Variants in XKR9 observed in about 807,000 individuals in gnomAD.
XKR9 encodes XK-related protein 9.
Under a neutral mutation model 32.0 loss-of-function variants are expected in XKR9, and 32 were observed. That is an observed-to-expected ratio of 1.00 (90% CI 0.76 to 1.34). XKR9 has a LOEUF of 1.34. Among genes scored for constraint, XKR9 ranks in the 40% most tolerant of loss-of-function variants. The probability of loss-of-function intolerance (pLI) is 0.00; values close to 1 mark genes in which losing one functional copy is unlikely to be tolerated. For missense variants in XKR9, 546 were observed against 429.7 expected (o/e 1.27, Z -2.39); for synonymous variants, 168 against 143.4 (o/e 1.17, Z -1.22).
chr8:71,007,414 C>G, the XKR9 span, among the ~76,000 whole-genome samples: 1 of 151,824 alleles, frequency 6.6e-6, no homozygotes, highest in Non-Finnish European at 1.5e-5. Flanking sequence ...ATTCATAAAC[C>G]TAGAATGAAA....
At chr8:70,853,494 C>T in the XKR9 span, among the ~76,000 whole-genome samples, 3 of 151,084 alleles carry the variant, frequency 2.0e-5, no homozygotes, top group South Asian at 6.3e-4. Context: ...CTACCATGTA[C>T]TCATAAAAAC....
At chr8:70,686,194 T>C (rs1432880362) in intron 3 of XKR9, among the ~76,000 whole-genome samples, 1 of 151,480 alleles carries the variant, frequency 6.6e-6, no homozygotes, top group Non-Finnish European at 1.5e-5. Context: ...TTTCTTTCTT[T>C]CCTCTCCTTT....
chr8:70,740,988 C>G (rs554273991), intron 2 of XKR9, among the ~76,000 whole-genome samples: 2 of 152,360 alleles, frequency 1.3e-5, no homozygotes, highest in South Asian at 4.1e-4. Context: ...AACCACTGCT[C>G]TCTTCAAAAG....
At chr8:70,675,563 G>T (rs1240284302) in intron 2 of XKR9, among the ~76,000 whole-genome samples, 1 of 152,078 alleles carries the variant, frequency 6.6e-6, no homozygotes, top group Non-Finnish European at 1.5e-5. Context: ...CCACATCTGG[G>T]CATAGGTTGT....
At chr8:70,913,292 G>A in the XKR9 span, among the ~76,000 whole-genome samples, 1 of 152,102 alleles carries the variant, frequency 6.6e-6, no homozygotes, top group Non-Finnish European at 1.5e-5. Flanking sequence ...TCTATTCTCA[G>A]AGAGTTAGAA....
the XKR9 span, among the ~76,000 whole-genome samples, chr8:70,949,632 G>A: frequency 1.3e-5 from 2 of 151,896 alleles, no homozygotes; most frequent in African/African-American, 4.8e-5. Context: ...TGATCGTGGG[G>A]GATGGGGGCT....
chr8:70,844,860 C>A, the XKR9 span, among the ~76,000 whole-genome samples: 2 of 152,204 alleles, frequency 1.3e-5, no homozygotes, highest in African/African-American at 4.8e-5. Context: ...GATGTCCCCC[C>A]ACTGCTGCTG....
chr8:70,786,729 G>A (rs1025241312), intron 2 of XKR9, among the ~76,000 whole-genome samples: 2 of 152,088 alleles, frequency 1.3e-5, no homozygotes, highest in Admixed American at 6.6e-5. Flanking sequence ...GTGACTTTGT[G>A]TCTTTTTATG....
chr8:70,930,076 G>A, the XKR9 span, among the ~76,000 whole-genome samples: 1 of 152,272 alleles, frequency 6.6e-6, no homozygotes, highest in East Asian at 1.9e-4. Context: ...ATATGAACTT[G>A]TAGTGGGTAG....
chr8:71,006,128 C>T, the XKR9 span, among the ~76,000 whole-genome samples: 1 of 152,178 alleles, frequency 6.6e-6, no homozygotes, highest in Non-Finnish European at 1.5e-5. Context: ...GAAGGCAGTA[C>T]TGAGTGAAAG....
chr8:70,904,834 G>A, the XKR9 span, among the ~76,000 whole-genome samples: 4 of 152,014 alleles, frequency 2.6e-5, no homozygotes, highest in African/African-American at 4.8e-5. Context: ...AAAATCTCTC[G>A]GCAGTTATTT....
the XKR9 span, among the ~76,000 whole-genome samples, chr8:70,821,495 T>C: frequency 3.9e-5 from 6 of 152,218 alleles, no homozygotes; most frequent in African/African-American, 1.4e-4. Flanking sequence ...GTGTGAGGGC[T>C]CTGACCCCAC....
chr8:70,821,381 G>A, the XKR9 span, among the ~76,000 whole-genome samples: 1 of 152,220 alleles, frequency 6.6e-6, no homozygotes, highest in East Asian at 1.9e-4. Context: ...TGCAGCTTTT[G>A]TAGGTGCACA....
chr8:70,865,774 G>A, the XKR9 span, among the ~76,000 whole-genome samples: 1 of 152,194 alleles, frequency 6.6e-6, no homozygotes, highest in Non-Finnish European at 1.5e-5. Context: ...CCTGACTTGT[G>A]CTTCTGAAAG....
intron 4 of XKR9, among the ~76,000 whole-genome samples, chr8:70,722,885 T>A (rs1487363592): frequency 1.3e-5 from 2 of 149,126 alleles, no homozygotes; most frequent in African/African-American, 2.4e-5. Context: ...TATCCTGAAA[T>A]TTTTTTTTTT....
At chr8:70,749,585 G>A (rs1403032779) in intron 2 of XKR9, among the ~76,000 whole-genome samples, 2 of 152,236 alleles carry the variant, frequency 1.3e-5, no homozygotes, top group East Asian at 3.8e-4. Context: ...ATGCCTGGCT[G>A]TGCACAGTGG....
chr8:70,727,667 G>A (rs1236342458), intron 4 of XKR9, among the ~76,000 whole-genome samples: 1 of 151,918 alleles, frequency 6.6e-6, no homozygotes, highest in African/African-American at 2.4e-5. Flanking sequence ...CAAAGTGCTG[G>A]GATTACAGGC....
chr8:70,976,914 C>T, the XKR9 span, among the ~76,000 whole-genome samples: 3 of 152,108 alleles, frequency 2.0e-5, no homozygotes, highest in African/African-American at 7.2e-5. Context: ...TTGGTCTATT[C>T]AGGGATTCAA....
At chr8:71,016,329 A>G in the XKR9 span, among the ~76,000 whole-genome samples, 2 of 152,122 alleles carry the variant, frequency 1.3e-5, no homozygotes, top group African/African-American at 4.8e-5. Context: ...TGTTTGGCCT[A>G]TTCCACCTGA....
Sources: allele counts gnomAD v4.1 joint callset (sites outside exome capture counted in the v4.1 genomes callset), GRCh38; gene constraint gnomAD v4.1.1; transcripts MANE v1.5; gene names NCBI Gene and HGNC (gene_info 2026-07-23, HGNC 2026-07-21).